NR1H4: variants seen among roughly 807,000 people sequenced by gnomAD.
NR1H4 encodes bile acid receptor.
NR1H4 carries 23 observed loss-of-function variants against 58.5 expected under a neutral mutation model. The ratio of observed to expected loss-of-function variants is 0.39; its 90% confidence interval spans 0.28 to 0.56. The LOEUF (loss-of-function observed/expected upper bound fraction) is 0.56, where lower values mean the gene tolerates loss of function less well. Among genes scored for constraint, NR1H4 ranks in the 20% least tolerant of loss-of-function variants. NR1H4 has a pLI of 0.58. For missense variants in NR1H4, 487 were observed against 576.9 expected (o/e 0.84, Z 1.60); for synonymous variants, 214 against 198.0 (o/e 1.08, Z -0.68).
intron 3 of NR1H4, chr12:100,503,589 G>A: frequency 7.8e-7 from 1 of 1,281,856 alleles, no homozygotes; most frequent in Non-Finnish European, 1.0e-6. Context: ...AGTAACAGAT[G>A]TCTGTCAAAG....
intron 3 of NR1H4, among the ~76,000 whole-genome samples, chr12:100,494,746 A>G (rs1953676454): frequency 6.6e-6 from 1 of 152,224 alleles, no homozygotes; most frequent in African/African-American, 2.4e-5. Flanking sequence ...TAGACATCTT[A>G]ATGATTTTTT....
intron 4 of NR1H4, among the ~76,000 whole-genome samples, chr12:100,513,139 T>A (rs1458907214): frequency 6.6e-6 from 1 of 152,218 alleles, no homozygotes; most frequent in African/African-American, 2.4e-5. Flanking sequence ...GTAAATGAAC[T>A]TATACATTCG....
chr12:100,503,265 C>T, intron 3 of NR1H4: 1 of 1,291,480 alleles, frequency 7.7e-7, no homozygotes, highest in East Asian at 2.9e-5. Context: ...GCATTAAGAA[C>T]TTTCCTCATA....
intron 1 of NR1H4, among the ~76,000 whole-genome samples, chr12:100,484,880 G>C (rs1242236970): frequency 6.6e-6 from 1 of 152,128 alleles, no homozygotes; most frequent in Non-Finnish European, 1.5e-5. Context: ...TTTCCTCAAA[G>C]CTTTAAGAAT....
intron 4 of NR1H4, among the ~76,000 whole-genome samples, chr12:100,528,058 CCT>C: frequency 6.6e-6 from 1 of 152,260 alleles, no homozygotes; most frequent in East Asian, 1.9e-4. Context: ...TAGTTACTCA[CCT>C]CTGTGTGTTT....
rs566350409 is a variant in NR1H4 at position 100,504,059 on chromosome 12, G to GT, written c.80-6718dup. Among the ~76,000 whole-genome samples the GT allele has an allele frequency of 1.9e-3, 289 of 151,548 alleles. 7 individuals are homozygous for GT. In the South Asian group the frequency reaches 0.059, roughly 31 times the overall value. On this transcript the variant is annotated intron_variant, in intron 3 of 10. Transcript: ENST00000392986. ...AATGTATCTAAAACCGTAGGTTGTGGTAAAAAAAAAAATGAAAAGAGTTTG... is the reference window on the plus strand; with the variant it reads ...AATGTATCTAAAACCGTAGGTTGTGGTTAAAAAAAAAAATGAAAAGAGTTTG...
chr12:100,559,423 A>G (rs965320974), intron 9 of NR1H4, among the ~76,000 whole-genome samples: 1 of 152,198 alleles, frequency 6.6e-6, no homozygotes, highest in Non-Finnish European at 1.5e-5. Flanking sequence ...CAGCGCTTGC[A>G]GGCCAGCTGG....
At chr12:100,543,040 C>T (rs1954973829) in intron 9 of NR1H4, among the ~76,000 whole-genome samples, 1 of 152,156 alleles carries the variant, frequency 6.6e-6, no homozygotes, top group South Asian at 2.1e-4. Context: ...GATGATGACT[C>T]CTAGTTGAGA....
chr12:100,563,548 A>G lies in NR1H4; in HGVS notation c.*59A>G. On this transcript the variant is annotated 3_prime_UTR_variant, in exon 11 of 11. Coordinates refer to ENST00000392986, the MANE Select transcript of NR1H4 (RefSeq NM_001206979.2). Reference sequence around the variant, plus strand: ...TCTCTCTCATATTAATCTGATGTATAACTTTCCTTTATTTCACTTGTACCC... The same window carrying G: ...TCTCTCTCATATTAATCTGATGTATGACTTTCCTTTATTTCACTTGTACCC... The G allele has an allele frequency of 7.6e-7, 1 of 1,313,824 alleles. No individual in the cohort carries two copies. Among genetic ancestry groups the G allele is most frequent in the Non-Finnish European group, 1.1e-6 (1 of 906,878 alleles). 81.4% of individuals were successfully genotyped at this position (1,313,824 alleles called of 1,614,324 possible). A position where few individuals can be genotyped will look rare whatever the true frequency, so the allele number is the denominator to read the frequency against.
intron 3 of NR1H4, among the ~76,000 whole-genome samples, chr12:100,503,812 A>T (rs1194064450): frequency 6.6e-6 from 1 of 152,186 alleles, no homozygotes; most frequent in African/African-American, 2.4e-5. Flanking sequence ...TTGAAAAAAC[A>T]TTTTAACAGA....
chr12:100,549,607 T>C (rs1955158890), intron 9 of NR1H4, among the ~76,000 whole-genome samples: 1 of 152,142 alleles, frequency 6.6e-6, no homozygotes, highest in Admixed American at 6.5e-5. Context: ...TTCCATGTAA[T>C]TTCATAAGTT....
intron 9 of NR1H4, among the ~76,000 whole-genome samples, chr12:100,555,614 T>G (rs1159165948): frequency 3.3e-5 from 5 of 152,198 alleles, no homozygotes; most frequent in Non-Finnish European, 7.3e-5. Context: ...TACTCTGACA[T>G]TTATTGAGGA....
chr12:100,525,032 T>A (rs1954521998), intron 4 of NR1H4, among the ~76,000 whole-genome samples: 1 of 152,152 alleles, frequency 6.6e-6, no homozygotes, highest in Non-Finnish European at 1.5e-5. Context: ...TCAGTTATTT[T>A]GGAGACGATG....
chr12:100,508,079 G>A (rs79364696), intron 3 of NR1H4, among the ~76,000 whole-genome samples: 4,836 of 152,006 alleles, frequency 0.032, 116 homozygotes, highest in Non-Finnish European at 0.052. Flanking sequence ...TAAATGGCAT[G>A]TAACTAGATT....
At chr12:100,532,351 C>T in intron 4 of NR1H4, 107 bp from the exon 5 acceptor site, 2 of 1,078,884 alleles carry the variant, frequency 1.9e-6, no homozygotes, top group South Asian at 1.3e-5. Context: ...CCTGGGTGCT[C>T]TCCAGCAGTT....
At chr12:100,538,835 A>G (rs1206350680) in intron 8 of NR1H4, among the ~76,000 whole-genome samples, 1 of 152,226 alleles carries the variant, frequency 6.6e-6, no homozygotes, top group Non-Finnish European at 1.5e-5. Flanking sequence ...ATTTCTCACT[A>G]TCATTGAAAC....
rs377070506 is a variant in NR1H4 at position 100,521,797 on chromosome 12, T to A, written c.445+10654T>A. On this transcript the variant is annotated intron_variant, in intron 4 of 10. Transcript: ENST00000392986. ...GAGGAGTGCTGACCTATATATAAAC[T>A]TATTGACATCCTATTTAAGATCAAG... Among the ~76,000 whole-genome samples, 22 of 152,312 alleles carry A rather than the reference T, an allele frequency of 1.4e-4. No individual in the cohort carries two copies. The East Asian group carries it at 2.5e-3, about 17-fold the overall frequency.
In NR1H4 at chr12:100,511,739, C is replaced by T. The variant is rs866431170; in HGVS notation, c.445+596C>T. ...GAGTTCAAGACCAGCCTGGCCAACACGGTGAAATCTCGTCTCTACTAAAAA... is the reference window on the plus strand; with the variant it reads ...GAGTTCAAGACCAGCCTGGCCAACATGGTGAAATCTCGTCTCTACTAAAAA... On this transcript the variant is annotated intron_variant, in intron 4 of 10. Transcript: ENST00000392986. Among the ~76,000 whole-genome samples the T allele has an allele frequency of 9.9e-5, 15 of 151,022 alleles. No homozygotes were observed. The South Asian group carries it at 2.5e-3, about 25-fold the overall frequency.
intron 10 of NR1H4, among the ~76,000 whole-genome samples, 178 bp downstream of exon 10, chr12:100,562,176 T>A (rs549976138): frequency 2.0e-5 from 3 of 152,342 alleles, no homozygotes; most frequent in East Asian, 3.9e-4. Flanking sequence ...TCAGTCTTTT[T>A]AAAAAATATC....
Sources: allele counts gnomAD v4.1 joint callset (sites outside exome capture counted in the v4.1 genomes callset), GRCh38; gene constraint gnomAD v4.1.1; transcripts MANE v1.5; gene names NCBI Gene and HGNC (gene_info 2026-07-23, HGNC 2026-07-21).